Variants in KIFAP3 observed in about 807,000 individuals in gnomAD.
KIFAP3 encodes the protein kinesin-associated protein 3.
KIFAP3 carries 68 observed loss-of-function variants against 106.5 expected under a neutral mutation model. That is an observed-to-expected ratio of 0.64 (90% CI 0.53 to 0.78). KIFAP3 has a LOEUF of 0.78. Ranked by LOEUF, KIFAP3 falls within the 30% of genes least tolerant of loss-of-function variation. KIFAP3 has a pLI of 0.00. For synonymous variants in KIFAP3, 320 were observed against 311.5 expected (o/e 1.03, Z -0.29); for missense variants, 780 against 941.8 (o/e 0.83, Z 2.25).
At chr1:169,983,192 C>G in intron 13 of KIFAP3, 78 bp downstream of exon 13, 1 of 810,854 alleles carries the variant, frequency 1.2e-6, no homozygotes, top group South Asian at 1.6e-5. Context: ...TTGACGAGAC[C>G]TCAGTAAGAG....
chr1:169,960,608 A>G (rs1665274489), intron 18 of KIFAP3, among the ~76,000 whole-genome samples: 1 of 152,188 alleles, frequency 6.6e-6, no homozygotes, highest in Non-Finnish European at 1.5e-5. Context: ...TACCATATAG[A>G]GTTTGGTAGT....
intron 10 of KIFAP3, among the ~76,000 whole-genome samples, chr1:170,005,923 AC>A (rs1667936618): frequency 6.6e-6 from 1 of 151,844 alleles, no homozygotes; most frequent in East Asian, 1.9e-4. Flanking sequence ...TGTGAAGAAA[AC>A]TGTTTTCTGT....
chr1:169,950,463 G>T (rs907802429), intron 19 of KIFAP3, among the ~76,000 whole-genome samples: 2 of 152,040 alleles, frequency 1.3e-5, no homozygotes, highest in Admixed American at 6.6e-5. Context: ...AGCAGGGAAA[G>T]AATTTATAAA....
At chr1:170,015,005 G>A (rs187251060) in intron 10 of KIFAP3, among the ~76,000 whole-genome samples, 30 of 152,268 alleles carry the variant, frequency 2.0e-4, no homozygotes, top group Non-Finnish European at 4.1e-4. Context: ...AACAGTCACA[G>A]TTCTAATAAA....
chr1:170,037,257 AT>A (rs1669738542), intron 5 of KIFAP3, among the ~76,000 whole-genome samples: 1 of 152,240 alleles, frequency 6.6e-6, no homozygotes, highest in Admixed American at 6.5e-5. Context: ...CAGAAAAGAC[AT>A]TTGAAATACT....
chr1:170,008,976 G>C (rs1459767871), intron 10 of KIFAP3, among the ~76,000 whole-genome samples: 1 of 152,284 alleles, frequency 6.6e-6, no homozygotes, highest in East Asian at 1.9e-4. Flanking sequence ...CAGGGACATG[G>C]ATGAAGCTGG....
Position 169,961,154 on chromosome 1 carries a change from T to C in KIFAP3, c.2065A>G (p.Ser689Gly). ...TGCTCACTCTCATCCATCTGACGACTCTCTACCATCTCCAGCCACTGAGAG... is the reference window on the plus strand; with the variant it reads ...TGCTCACTCTCATCCATCTGACGACCCTCTACCATCTCCAGCCACTGAGAG... The part of the protein sequence containing the change: ...HNSQWLEMVE[S>G]RQMDESEQYL... Residue 689 changes from serine (S) to glycine (G), a missense_variant, in exon 18 of 20, where the codon AGT (serine) becomes GGT (glycine). By Grantham distance (56) the Ser-to-Gly change is moderately conservative. This residue lies in a region of KIFAP3 where 78 missense variants were observed against 140.6 expected (regional missense o/e 0.55). Transcript: ENST00000361580. The C allele has an allele frequency of 2.5e-6, 4 of 1,613,698 alleles. No individual in the cohort carries two copies. The highest frequency in any genetic ancestry group is 1.3e-5 in the African/African-American group (1 of 75,044).
chr1:169,937,729 G>A (rs1031731706), intron 19 of KIFAP3, among the ~76,000 whole-genome samples: 2 of 151,732 alleles, frequency 1.3e-5, no homozygotes, highest in Non-Finnish European at 3.0e-5. Flanking sequence ...ATCCTCTAAA[G>A]TCATAACCAT....
intron 11 of KIFAP3, 30 bp from the exon 12 acceptor site, chr1:169,984,720 C>A: frequency 7.8e-7 from 1 of 1,281,640 alleles, no homozygotes; most frequent in Non-Finnish European, 1.1e-6. Context: ...ACATTTTACT[C>A]AAGAAACAAA....
chr1:170,005,544 C>A (rs945882017), intron 10 of KIFAP3, among the ~76,000 whole-genome samples: 1 of 151,824 alleles, frequency 6.6e-6, no homozygotes, highest in East Asian at 1.9e-4. Flanking sequence ...ATGATGAGTT[C>A]ATGTCCTTTG....
At chr1:169,947,832 T>C (rs981648801) in intron 19 of KIFAP3, among the ~76,000 whole-genome samples, 6 of 151,808 alleles carry the variant, frequency 4.0e-5, no homozygotes, top group Non-Finnish European at 7.4e-5. Flanking sequence ...AAAAGTTCAC[T>C]GTGGTAAATC....
intron 19 of KIFAP3, among the ~76,000 whole-genome samples, chr1:169,933,265 C>G (rs1300717956): frequency 6.6e-6 from 1 of 151,906 alleles, no homozygotes; most frequent in Non-Finnish European, 1.5e-5. Context: ...GTAATAAATA[C>G]AGGTCAGAAA....
intron 10 of KIFAP3, among the ~76,000 whole-genome samples, chr1:169,996,944 A>T (rs917543196): frequency 6.6e-6 from 1 of 152,182 alleles, no homozygotes; most frequent in Non-Finnish European, 1.5e-5. Flanking sequence ...TCCCCCAAGC[A>T]GTTTTGAGGA....
chr1:170,006,976 T>G (rs1183182078), intron 10 of KIFAP3, among the ~76,000 whole-genome samples: 1 of 151,972 alleles, frequency 6.6e-6, no homozygotes, highest in East Asian at 1.9e-4. Context: ...AAAGAAGAGG[T>G]GGAAGCAGAA....
chr1:169,942,341 C>T (rs1447982810), intron 19 of KIFAP3, among the ~76,000 whole-genome samples: 2 of 152,152 alleles, frequency 1.3e-5, no homozygotes, highest in African/African-American at 2.4e-5. Flanking sequence ...GGAATCTTCA[C>T]GGCAGTGCAG....
At chr1:169,923,991 C>CT (rs11455002) in intron 19 of KIFAP3, among the ~76,000 whole-genome samples, 141,438 of 151,684 alleles carry the variant, frequency 0.93, 66,025 homozygotes, top group East Asian at 0.99. Flanking sequence ...AATTCTCCCC[C>CT]TTTTTTTTAT....
chr1:169,998,302 T>C (rs1338303834), intron 10 of KIFAP3, among the ~76,000 whole-genome samples: 1 of 151,654 alleles, frequency 6.6e-6, no homozygotes, highest in Admixed American at 6.6e-5. Context: ...ATAAAACCTA[T>C]ATGACAGAGG....
At chr1:170,012,706 A>G in intron 10 of KIFAP3, among the ~76,000 whole-genome samples, 1 of 152,164 alleles carries the variant, frequency 6.6e-6, no homozygotes, top group Non-Finnish European at 1.5e-5. Flanking sequence ...TGCCTGTGAC[A>G]GTCTGTTGGC....
chr1:170,003,373 T>C (rs1357847080), intron 10 of KIFAP3, among the ~76,000 whole-genome samples: 1 of 152,202 alleles, frequency 6.6e-6, no homozygotes, highest in African/African-American at 2.4e-5. Context: ...ATTAAGGTGC[T>C]ATTTCAATGT....
Sources: gnomAD v4.1 joint callset for allele counts (sites outside exome capture counted in the v4.1 genomes callset) on GRCh38, gnomAD v4.1.1 for gene constraint, gnomAD v4.1.1 regional missense constraint, MANE v1.5 for transcripts, NCBI Gene and HGNC (gene_info 2026-07-23, HGNC 2026-07-21) for gene names.